The following CEP350 variants were observed in gnomAD, a reference collection of about 807,000 sequenced individuals.
The protein encoded by CEP350 is centrosomal protein 350, also known as centrosome-associated protein 350.
In CEP350, 126 loss-of-function variants were observed where a neutral mutation model predicts 331.8. That is an observed-to-expected ratio of 0.38 (90% CI 0.33 to 0.44). The LOEUF is 0.44. Ranked by LOEUF, CEP350 falls within the 20% of genes least tolerant of loss-of-function variation. The probability of loss-of-function intolerance (pLI) is 1.00; values close to 1 mark genes in which losing one functional copy is unlikely to be tolerated. For synonymous variants in CEP350, 1,200 were observed against 1,259.5 expected, an observed-to-expected ratio of 0.95 and a Z score of 1.00; for missense variants, 3,406 against 3,634.6, an observed-to-expected ratio of 0.94 and a Z score of 1.62.
Position 180,111,396 on chromosome 1 carries a change from T to C in CEP350, c.*235T>C. ...TTTCAGTGGGCAGGGTTGCACAGTGTAATCCTACACCTTTTGCTAACACCC... is the reference window on the plus strand; with the variant it reads ...TTTCAGTGGGCAGGGTTGCACAGTGCAATCCTACACCTTTTGCTAACACCC... On this transcript the variant is annotated 3_prime_UTR_variant, in exon 38 of 38. Coordinates refer to ENST00000367607, the MANE Select transcript of CEP350 (RefSeq NM_014810.5). 1 of 424,018 alleles carries C rather than the reference T, an allele frequency of 2.4e-6. No individual in the cohort carries two copies. Among genetic ancestry groups the C allele is most frequent in the Non-Finnish European group, 4.2e-6 (1 of 240,018 alleles). The allele number at this position is 424,018 out of a possible 1,614,324, so 26.3% of individuals were successfully genotyped here.
In CEP350 at chr1:180,094,545, G is replaced by A. The variant is rs755402700; in HGVS notation, c.8440G>A (p.Gly2814Ser). The A allele has an allele frequency of 6.8e-6, 11 of 1,613,774 alleles. No homozygotes were observed. The highest frequency in any genetic ancestry group is 9.3e-6 in the Non-Finnish European group (11 of 1,179,850). ...NVEEQSPSISGCFLSSELEDE... is the reference protein window; with the variant it reads ...NVEEQSPSISSCFLSSELEDE... ...TGAGGAACAGTCGCCAAGTATTTCA[G>A]GTTGCTTCTTAAGTTCTGAATTGGA... Residue 2814 changes from glycine (G) to serine (S), a missense_variant, in exon 34 of 38, where the codon GGT becomes AGT. By Grantham distance (56) the Gly-to-Ser change is moderately conservative. This residue lies in a region of CEP350 where 1,415 missense variants were observed against 1,512.3 expected (regional missense o/e 0.94). Transcript: ENST00000367607.
chr1:179,969,534 AG>A, intron 1 of CEP350: 1 of 390,986 alleles, frequency 2.6e-6, no homozygotes, highest in South Asian at 1.9e-5. Flanking sequence ...TGGACTCTTA[AG>A]CAACATGGAA....
At chr1:179,984,392 A>G (rs1245933769) in intron 1 of CEP350, among the ~76,000 whole-genome samples, 1 of 152,216 alleles carries the variant, frequency 6.6e-6, no homozygotes, top group Non-Finnish European at 1.5e-5. Context: ...AGTCCTGTGA[A>G]GATTTGACTT....
Position 179,964,401 on chromosome 1 carries a change from T to G in CEP350, c.-14+9259T>G, listed in dbSNP as rs539298030. On this transcript the variant is annotated intron_variant, in intron 1 of 37. Transcript: ENST00000367607. ...AGTTCATAGAGGGGATGCTTCTAAC[T>G]TTTGTCCATTCAGTGTGATCTTGAT... is the stretch of plus-strand genomic sequence containing the variant. Among the ~76,000 whole-genome samples the G allele has an allele frequency of 7.4e-4, 113 of 152,246 alleles. 2 individuals are homozygous for G. The highest frequency in any genetic ancestry group is 2.6e-3 in the African/African-American group (110 of 41,558).
At chr1:179,964,817 CAAAGAACTAACTTT>C (rs990649042) in intron 1 of CEP350, among the ~76,000 whole-genome samples, 4 of 150,790 alleles carry the variant, frequency 2.7e-5, no homozygotes, top group Non-Finnish European at 5.9e-5. Context: ...CTTATCCCTT[CAAAGAACTAACTTT>C]GTTCTGTTGA....
intron 6 of CEP350, among the ~76,000 whole-genome samples, chr1:180,001,226 G>A (rs1485787277): frequency 2.0e-5 from 3 of 152,082 alleles, no homozygotes; most frequent in East Asian, 3.9e-4. Context: ...ACAAAACAAA[G>A]TTCAGTGTAT....
At chr1:180,055,481 T>C (rs944544087) in intron 25 of CEP350, among the ~76,000 whole-genome samples, 1 of 152,068 alleles carries the variant, frequency 6.6e-6, no homozygotes, top group Non-Finnish European at 1.5e-5. Context: ...GCTTATTACT[T>C]AGTTGTATGT....
Position 180,086,280 on chromosome 1 carries a change from C to T in CEP350, c.6286-1298C>T, listed in dbSNP as rs544250912. Among the ~76,000 whole-genome samples, 49 of 152,102 alleles carry T rather than the reference C, an allele frequency of 3.2e-4. 1 individual carries two copies. The highest frequency in any genetic ancestry group is 3.1e-3 in the Admixed American group (48 of 15,280). Reference sequence around the variant, plus strand: ...TAAAAATACAGATTATATTCAGGACCGTAGAAGTCAAACTGATGAGTTTGG... The same window carrying T: ...TAAAAATACAGATTATATTCAGGACTGTAGAAGTCAAACTGATGAGTTTGG... On this transcript the variant is annotated intron_variant, in intron 31 of 37. Coordinates refer to ENST00000367607, the MANE Select transcript of CEP350 (RefSeq NM_014810.5).
At chr1:180,062,500 G>A (rs1389173382) in intron 26 of CEP350, 134 bp downstream of exon 26, 62 of 1,181,836 alleles carry the variant, frequency 5.2e-5, no homozygotes, top group Non-Finnish European at 6.5e-5. Flanking sequence ...TTCTATGGAT[G>A]GGCCAGTCTT....
chr1:180,052,878 G>T, intron 22 of CEP350, 92 bp from the exon 23 acceptor site: 1 of 511,840 alleles, frequency 2.0e-6, no homozygotes, highest in Non-Finnish European at 3.5e-6. Flanking sequence ...AATTTATGTT[G>T]GATTGTCCCA....
chr1:180,073,602 A>G (rs1192949254), intron 27 of CEP350, among the ~76,000 whole-genome samples: 1 of 152,222 alleles, frequency 6.6e-6, no homozygotes, highest in East Asian at 1.9e-4. Flanking sequence ...AATCATTGGT[A>G]AGATCTATAA....
chr1:180,107,800 C>T (rs552072172), intron 37 of CEP350, among the ~76,000 whole-genome samples: 1 of 151,218 alleles, frequency 6.6e-6, no homozygotes, highest in Non-Finnish European at 1.5e-5. Flanking sequence ...TTCCACCAGC[C>T]TAATACCCTG....
intron 37 of CEP350, among the ~76,000 whole-genome samples, chr1:180,105,716 TGTG>T (rs1661105749): frequency 6.6e-6 from 1 of 152,232 alleles, no homozygotes; most frequent in Non-Finnish European, 1.5e-5. Flanking sequence ...CCCATTTGAT[TGTG>T]GTGATTCTTT....
intron 1 of CEP350, among the ~76,000 whole-genome samples, chr1:179,957,336 T>C (rs976485176): frequency 1.3e-5 from 2 of 152,188 alleles, no homozygotes; most frequent in Non-Finnish European, 2.9e-5. Flanking sequence ...TTTTGCAACA[T>C]GAGGCAAATT....
chr1:180,038,473 A>G (rs933243875), intron 17 of CEP350, among the ~76,000 whole-genome samples: 1 of 152,214 alleles, frequency 6.6e-6, no homozygotes, highest in African/African-American at 2.4e-5. Flanking sequence ...ACAGTTTTCC[A>G]GAATAGTTGT....
Position 180,024,500 on chromosome 1 carries a change from T to G in CEP350, c.3468T>G (p.His1156Gln). ...CCTCTGTGGATGTTACCTCCCAGCA[T>G]TCATCAGGAGCCCAGTCTGCTGCAT... is the stretch of plus-strand genomic sequence containing the variant. Reference protein sequence around the residue: ...DPSSVDVTSQHSSGAQSAASS... With the variant: ...DPSSVDVTSQQSSGAQSAASS... Residue 1156 changes from histidine to glutamine, a missense_variant, in exon 14 of 38, where the codon CAT (histidine) becomes CAG (glutamine). By Grantham distance (24) the His-to-Gln change is conservative (BLOSUM62 0). Transcript: ENST00000367607. The G allele has an allele frequency of 6.2e-7, 1 of 1,613,522 alleles. No individual in the cohort carries two copies. Among genetic ancestry groups the G allele is most frequent in the Non-Finnish European group, 8.5e-7 (1 of 1,179,700 alleles).
intron 1 of CEP350, among the ~76,000 whole-genome samples, chr1:179,959,452 AAAAC>A (rs774008111): frequency 4.5e-4 from 69 of 152,230 alleles, no homozygotes; most frequent in Non-Finnish European, 8.7e-4. Flanking sequence ...ACTCCATCTC[AAAAC>A]AAACAAAACT....
rs755014124 is a variant in CEP350 at position 180,075,198 on chromosome 1, A to T, written c.5744A>T (p.Glu1915Val). The change falls in exon 28 of 38, where the codon GAG becomes GTG. Residue 1915 changes from glutamate (E) to valine (V), a missense_variant. Around this residue, in one of 5 missense-constraint regions of CEP350, gnomAD observed 1,415 missense variants for 1,512.3 expected, o/e 0.94. Coordinates refer to ENST00000367607, the MANE Select transcript of CEP350 (RefSeq NM_014810.5). ...CCCAAAACTCCTAAGAAAGAACTGGAGGACCAGAGAACAGAACAGAAAGGT... is the reference window on the plus strand; with the variant it reads ...CCCAAAACTCCTAAGAAAGAACTGGTGGACCAGAGAACAGAACAGAAAGGT... ...IKPKTPKKEL[E>V]DQRTEQKEIA... 2.5e-6 allele frequency: 4 copies of T among 1,612,258 alleles called. No individual in the cohort carries two copies. In the East Asian group the frequency reaches 8.9e-5, roughly 36 times the overall value.
At chr1:180,055,860 A>T (rs542332179) in intron 25 of CEP350, among the ~76,000 whole-genome samples, 70 of 152,150 alleles carry the variant, frequency 4.6e-4, no homozygotes, top group African/African-American at 1.6e-3. Flanking sequence ...TCTATTTTTT[A>T]AAAAATAAGT....
Sources: gnomAD v4.1 joint callset for allele counts (sites outside exome capture counted in the v4.1 genomes callset) on GRCh38, gnomAD v4.1.1 for gene constraint, gnomAD v4.1.1 regional missense constraint, MANE v1.5 for transcripts, NCBI Gene and HGNC (gene_info 2026-07-23, HGNC 2026-07-21) for gene names.